The following TENM4 variants were observed in gnomAD, a reference collection of about 807,000 sequenced individuals.
TENM4 encodes teneurin-4.
In TENM4, 82 loss-of-function variants were observed where a neutral mutation model predicts 243.3. The ratio of observed to expected loss-of-function variants is 0.34; its 90% CI spans 0.28 to 0.40. TENM4 has a LOEUF of 0.40. TENM4 is among the 10% of genes least tolerant of loss of function. The pLI, the probability that TENM4 is intolerant of heterozygous loss-of-function variation, is 1.00. For missense variants in TENM4, 3,138 were observed against 3,673.3 expected (o/e 0.85, Z 3.77); for synonymous variants, 1,412 against 1,456.3 (o/e 0.97, Z 0.69).
chr11:78,726,323 G>C, intron 22 of TENM4, 101 bp from the exon 23 acceptor site: 1 of 1,364,428 alleles, frequency 7.3e-7, no homozygotes, highest in Non-Finnish European at 9.8e-7. Context: ...TTGTAGAAGA[G>C]GAAAAAAGGG....
intron 1 of TENM4, among the ~76,000 whole-genome samples, chr11:79,398,450 A>T (rs553412523): frequency 7.9e-4 from 120 of 152,254 alleles, no homozygotes; most frequent in African/African-American, 2.8e-3. Flanking sequence ...CCCTGGGCAG[A>T]CCATCTAACC....
intron 3 of TENM4, among the ~76,000 whole-genome samples, chr11:79,214,336 G>A (rs1864009334): frequency 6.6e-6 from 1 of 152,146 alleles, no homozygotes; most frequent in African/African-American, 2.4e-5. Flanking sequence ...GAGAACCTAT[G>A]TCTCTACTGC....
At chr11:78,933,232 T>A (rs2136429107) in intron 6 of TENM4, among the ~76,000 whole-genome samples, 1 of 152,170 alleles carries the variant, frequency 6.6e-6, no homozygotes, top group East Asian at 1.9e-4. Context: ...AAGGAGGGGA[T>A]AATATCTCCT....
At chr11:79,203,511 A>G (rs1186175848) in intron 3 of TENM4, among the ~76,000 whole-genome samples, 1 of 152,226 alleles carries the variant, frequency 6.6e-6, no homozygotes, top group African/African-American at 2.4e-5. Flanking sequence ...TGTATATACT[A>G]TGCTTTTTTC....
rs967004451 is a variant in TENM4 at position 78,899,563 on chromosome 11, G to GA, written c.749+3704_749+3705insT. Among the ~76,000 whole-genome samples the GA allele has an allele frequency of 2.9e-5, 4 of 136,208 alleles. 1 individual carries two copies. Among genetic ancestry groups the GA allele is most frequent in the African/African-American group, 1.1e-4 (4 of 36,822 alleles). The allele number at this position is 136,208 out of a possible 152,430, so 89.4% of individuals were successfully genotyped here. ...ACTGCACTCTGTCTCAAAAAGCGGG[G>GA]GGGGGGGGAAAAAGAAAAAAGAAAG... On this transcript the variant is annotated intron_variant, in intron 7 of 33. Transcript: ENST00000278550.
At chr11:79,185,732 T>A (rs898880140) in intron 3 of TENM4, among the ~76,000 whole-genome samples, 1 of 152,198 alleles carries the variant, frequency 6.6e-6, no homozygotes, top group African/African-American at 2.4e-5. Context: ...TCTGATGAAA[T>A]CATAAACCTT....
At chr11:78,862,581 C>T (rs1284456004) in intron 10 of TENM4, among the ~76,000 whole-genome samples, 1 of 152,142 alleles carries the variant, frequency 6.6e-6, no homozygotes, top group African/African-American at 2.4e-5. Flanking sequence ...AACACCCCAT[C>T]TACCTGCCTC....
chr11:79,106,342 T>C (rs1467003797), intron 4 of TENM4, among the ~76,000 whole-genome samples: 2 of 152,236 alleles, frequency 1.3e-5, no homozygotes, highest in Non-Finnish European at 2.9e-5. Flanking sequence ...AAGCCCAGCC[T>C]AGTGGAAAAA....
At chr11:78,816,290 C>T (rs183688714) in intron 12 of TENM4, among the ~76,000 whole-genome samples, 152 of 152,336 alleles carry the variant, frequency 1.0e-3, no homozygotes, top group African/African-American at 3.3e-3. Context: ...GCTGTCTGCA[C>T]GAGAATTGCT....
chr11:79,071,640 G>A (rs1046935838), intron 4 of TENM4, among the ~76,000 whole-genome samples: 10 of 152,166 alleles, frequency 6.6e-5, no homozygotes, highest in East Asian at 3.9e-4. Flanking sequence ...TCTGAGGCTC[G>A]TAGTTTCCAA....
At chr11:79,236,475 G>A (rs1005753201) in intron 2 of TENM4, among the ~76,000 whole-genome samples, 2 of 152,126 alleles carry the variant, frequency 1.3e-5, no homozygotes, top group Admixed American at 6.5e-5. Flanking sequence ...TCATGCTTTT[G>A]AAGTTTCTGC....
At chr11:79,397,644 G>A (rs1858373175) in intron 1 of TENM4, among the ~76,000 whole-genome samples, 1 of 152,188 alleles carries the variant, frequency 6.6e-6, no homozygotes. Flanking sequence ...GAATGCAAAG[G>A]GTTAGGAGGC....
intron 19 of TENM4, 51 bp downstream of exon 19, chr11:78,756,754 T>C: frequency 6.5e-7 from 1 of 1,533,808 alleles, no homozygotes; most frequent in Non-Finnish European, 8.9e-7. Context: ...TCTAGAGTGA[T>C]TCAGTTCTCC....
chr11:78,770,703 T>G (rs1236434641), intron 18 of TENM4, among the ~76,000 whole-genome samples: 1 of 152,274 alleles, frequency 6.6e-6, no homozygotes, highest in Admixed American at 6.5e-5. Flanking sequence ...CATCTCATCC[T>G]ACTGTTGAAT....
intron 9 of TENM4, among the ~76,000 whole-genome samples, chr11:78,889,051 C>A (rs915425692): frequency 6.6e-6 from 1 of 152,222 alleles, no homozygotes; most frequent in Non-Finnish European, 1.5e-5. Context: ...GTTACAAATT[C>A]ATCAGAAGAC....
chr11:78,846,623 C>A (rs1301181811), intron 12 of TENM4, among the ~76,000 whole-genome samples: 1 of 152,236 alleles, frequency 6.6e-6, no homozygotes. Flanking sequence ...AGAGACTGAA[C>A]CAAGCCATTT....
At chr11:79,218,146 T>C (rs1348745377) in intron 2 of TENM4, among the ~76,000 whole-genome samples, 1 of 152,194 alleles carries the variant, frequency 6.6e-6, no homozygotes, top group Non-Finnish European at 1.5e-5. Context: ...ATGACTATCA[T>C]TTTATGCATT....
chr11:79,279,360 G>A (rs1250590293), intron 2 of TENM4, among the ~76,000 whole-genome samples: 2 of 152,190 alleles, frequency 1.3e-5, no homozygotes, highest in African/African-American at 4.8e-5. Flanking sequence ...GTTAAGGAGA[G>A]AGGCAGGCAG....
intron 4 of TENM4, among the ~76,000 whole-genome samples, chr11:79,088,423 G>A (rs1052546332): frequency 7.2e-5 from 11 of 152,212 alleles, no homozygotes; most frequent in African/African-American, 2.7e-4. Context: ...AGAAAGGGGT[G>A]CATAGCAGCC....
Sources: allele counts gnomAD v4.1 joint callset (sites outside exome capture counted in the v4.1 genomes callset), GRCh38; gene constraint gnomAD v4.1.1; transcripts MANE v1.5; gene names NCBI Gene and HGNC (gene_info 2026-07-23, HGNC 2026-07-21).